Variants in BSND observed in about 807,000 individuals in gnomAD.
BSND encodes barttin CLCNK type accessory subunit beta.
Under a neutral mutation model 18.8 loss-of-function variants are expected in BSND, and 13 were observed. The ratio of observed to expected loss-of-function variants is 0.69; its 90% CI spans 0.45 to 1.10. The LOEUF (loss-of-function observed/expected upper bound fraction) is 1.10, where lower values mean the gene tolerates loss of function less well. Among genes scored for constraint, BSND ranks in the 50% least tolerant of loss-of-function variants. The pLI, the probability that BSND is intolerant of heterozygous loss-of-function variation, is 0.00. For missense variants in BSND, 379 were observed against 416.7 expected (o/e 0.91, Z 0.79); for synonymous variants, 170 against 161.8 (o/e 1.05, Z -0.39).
At position 55,008,520 on chromosome 1, in the gene BSND, G is replaced by A. The variant is rs1644403821; in HGVS notation, c.855G>A (p.Gly285=). The A allele has an allele frequency of 1.2e-6, 2 of 1,614,206 alleles. No homozygotes were observed. Among genetic ancestry groups the A allele is most frequent in the Non-Finnish European group, 1.7e-6 (2 of 1,180,032 alleles). ...VEEKEASDTG[G]EEPEKEEEDL... is the part of the protein sequence containing the mutation. ...AGAAGGAGGCTTCGGACACAGGTGG[G>A]GAGGAACCTGAGAAGGAAGAGGAAG... Residue 285 remains glycine (G), a synonymous_variant, in exon 4 of 4, where the codon GGG becomes GGA. Coordinates refer to ENST00000651561, the MANE Select transcript of BSND (RefSeq NM_057176.3).
At chr1:55,003,403 T>G (rs1252178016) in intron 1 of BSND, among the ~76,000 whole-genome samples, 1 of 152,106 alleles carries the variant, frequency 6.6e-6, no homozygotes, top group African/African-American at 2.4e-5. Context: ...TTATTTAATT[T>G]TTTTATTTTT....
chr1:55,012,947 A>C lies in BSND; in HGVS notation c.*4319A>C, dbSNP rs758661594. ...TCAGGTGCTTCCCATAAATCATTTC[A>C]TTGAATTTAATTTTTCCATCTGCCC... On this transcript the variant is annotated 3_prime_UTR_variant, in exon 4 of 4. Transcript: ENST00000651561. Among the ~76,000 whole-genome samples, 23 of 152,132 alleles carry C rather than the reference A, an allele frequency of 1.5e-4. No homozygotes were observed. Among genetic ancestry groups the C allele is most frequent in the Non-Finnish European group, 2.9e-4 (20 of 68,024 alleles).
chr1:55,009,019 T>C lies in BSND; in HGVS notation c.*391T>C. ...CTATTGTGTCTTATAGTCCACTTGG[T>C]AGATGGCGTGATCCGTCTTTACACA... On this transcript the variant is annotated 3_prime_UTR_variant, in exon 4 of 4. Transcript: ENST00000651561. 1 of 335,172 alleles carries C rather than the reference T, an allele frequency of 3.0e-6. No individual in the cohort carries two copies. Among genetic ancestry groups the C allele is most frequent in the Non-Finnish European group, 5.7e-6 (1 of 174,378 alleles). The allele number at this position is 335,172 out of a possible 1,614,324, so 20.8% of individuals were successfully genotyped here.
rs1485572545 is a variant in BSND, at chr1:55,012,618, C to T, written c.*3990C>T. 6.6e-6 allele frequency among the ~76,000 whole-genome samples: 1 copy of T among 152,200 alleles called. No individual in the cohort carries two copies. The highest frequency in any genetic ancestry group is 1.9e-4 in the East Asian group (1 of 5,196). On this transcript the variant is annotated 3_prime_UTR_variant, in exon 4 of 4. Transcript: ENST00000651561. ...TCTTCCCTCTCTGGGTCTCTTCCCT[C>T]ATCTATGCATCAGGGAGCCACTGTC... is the stretch of plus-strand genomic sequence containing the variant.
rs1423765493 is a variant in BSND at position 55,011,219 on chromosome 1, C to T, written c.*2591C>T. 6.6e-6 allele frequency: 1 copy of T among 152,264 alleles called. No homozygotes were observed. The highest frequency in any genetic ancestry group is 1.5e-5 in the Non-Finnish European group (1 of 68,102). 9.4% of individuals were successfully genotyped at this position (152,264 alleles called of 1,614,324 possible). ...GATGGTGAGACCCAGGCTTGGTCTC[C>T]CTGGCTCTTGCTGCATGATGGGGAG... On this transcript the variant is annotated 3_prime_UTR_variant, in exon 4 of 4. Coordinates refer to ENST00000651561, the MANE Select transcript of BSND (RefSeq NM_057176.3).
rs1644412245 is a variant in BSND at position 55,009,732 on chromosome 1, G to A, written c.*1104G>A. On this transcript the variant is annotated 3_prime_UTR_variant, in exon 4 of 4. Transcript: ENST00000651561. ...AATTGTAGGTGAAATTCATCTTCCT[G>A]GCCTACTTCAGTTTGAATCAGTTGG... The A allele has an allele frequency of 6.6e-6, 1 of 152,118 alleles. No homozygotes were observed. 9.4% of individuals were successfully genotyped at this position (152,118 alleles called of 1,614,324 possible).
At position 55,004,443 on chromosome 1, in the gene BSND, C is replaced by T. The variant is rs115486210; in HGVS notation, c.178-579C>T. Among the ~76,000 whole-genome samples, 1,317 of 152,338 alleles carry T rather than the reference C, an allele frequency of 8.6e-3. 18 individuals are homozygous for T. Among genetic ancestry groups the T allele is most frequent in the African/African-American group, 0.03 (1,237 of 41,582 alleles). On this transcript the variant is annotated intron_variant, in intron 1 of 3. Coordinates refer to ENST00000651561, the MANE Select transcript of BSND (RefSeq NM_057176.3). ...CTCCCAGATCCCACAGGCACAGCTC[C>T]TCTCCCTCACCCACTGCCTCCTTCA... is the stretch of plus-strand genomic sequence containing the variant.
chr1:55,002,126 A>C (rs1048747539), intron 1 of BSND, among the ~76,000 whole-genome samples: 2 of 152,234 alleles, frequency 1.3e-5, no homozygotes, highest in Non-Finnish European at 2.9e-5. Context: ...TGCAGAATTC[A>C]AACACAAAGC....
At chr1:55,007,353 T>C in intron 3 of BSND, 81 bp downstream of exon 3, 2 of 305,408 alleles carry the variant, frequency 6.5e-6, no homozygotes, top group Non-Finnish European at 1.2e-5. Context: ...CGCCGAGGGG[T>C]GGGTGGGGAC....
chr1:55,007,336 G>T (rs1375451792), intron 3 of BSND, 64 bp downstream of exon 3: 3 of 1,518,134 alleles, frequency 2.0e-6, no homozygotes, highest in East Asian at 2.3e-5. Flanking sequence ...GGAGAGGAGT[G>T]GGGGACCGCC....
intron 3 of BSND, 139 bp downstream of exon 3, chr1:55,007,411 G>T: frequency 9.1e-7 from 1 of 1,099,174 alleles, no homozygotes; most frequent in Admixed American, 2.9e-5. Flanking sequence ...ACCCTGAGAT[G>T]TGGCAGATGT....
In BSND at chr1:55,012,500, G is replaced by T. The variant is rs1046639603; in HGVS notation, c.*3872G>T. 6.6e-6 allele frequency among the ~76,000 whole-genome samples: 1 copy of T among 152,232 alleles called. No homozygotes were observed. The highest frequency in any genetic ancestry group is 2.4e-5 in the African/African-American group (1 of 41,458). ...GAGCCTCAATGTCCACATTTATGCAGTGGGGAGGATAATACCTCCCTCTTG... is the reference window on the plus strand; with the variant it reads ...GAGCCTCAATGTCCACATTTATGCATTGGGGAGGATAATACCTCCCTCTTG... On this transcript the variant is annotated 3_prime_UTR_variant, in exon 4 of 4. Transcript: ENST00000651561.
At position 55,008,575 on chromosome 1, in the gene BSND, G is replaced by T; in HGVS notation, c.910G>T (p.Gly304Trp). 1 of 1,614,108 alleles carries T rather than the reference G, an allele frequency of 6.2e-7. No homozygotes were observed. Among genetic ancestry groups the T allele is most frequent in the Non-Finnish European group, 8.5e-7 (1 of 1,180,010 alleles). ...DLYYGLPDGA[G>W]DLLPDKELGF... The stretch of plus-strand genomic sequence containing the variant: ...GTACTATGGGCTGCCAGATGGAGCC[G>T]GGGACCTCCTCCCGGACAAGGAGCT... The change falls in exon 4 of 4, where the codon GGG becomes TGG. Residue 304 changes from glycine (G) to tryptophan (W), a missense_variant. Physicochemically the swap from Gly to Trp is radical, Grantham distance 184. Coordinates refer to ENST00000651561, the MANE Select transcript of BSND (RefSeq NM_057176.3).
In BSND at chr1:55,011,235, T is replaced by C. The variant is rs1644420870; in HGVS notation, c.*2607T>C. On this transcript the variant is annotated 3_prime_UTR_variant, in exon 4 of 4. Transcript: ENST00000651561. ...CTTGGTCTCCCTGGCTCTTGCTGCA[T>C]GATGGGGAGACCACACACCTGATCT... is the stretch of plus-strand genomic sequence containing the variant. The C allele has an allele frequency of 6.6e-6, 1 of 152,264 alleles. No individual in the cohort carries two copies. The highest frequency in any genetic ancestry group is 1.5e-5 in the Non-Finnish European group (1 of 68,096). The allele number at this position is 152,264 out of a possible 1,614,324, so 9.4% of individuals were successfully genotyped here.
In BSND at chr1:55,008,235, C is replaced by G. The variant is rs368273749; in HGVS notation, c.570C>G (p.Gly190=). The part of the protein sequence containing the change: ...SWPGPLACPQ[G]PAPLASFQDD... ...GCAGCCCCCTGGCCTGTCCCCAGGG[C>G]CCTGCCCCCTTGGCTTCCTTCCAAG... Residue 190 remains glycine (G), a synonymous_variant, in exon 4 of 4, where the codon GGC becomes GGG. Transcript: ENST00000651561. 2 of 1,614,056 alleles carry G rather than the reference C, an allele frequency of 1.2e-6. No individual in the cohort carries two copies. The highest frequency in any genetic ancestry group is 1.7e-6 in the Non-Finnish European group (2 of 1,180,036).
chr1:55,013,370 C>G lies in BSND; in HGVS notation c.*4742C>G, dbSNP rs145075626. 0.013 allele frequency among the ~76,000 whole-genome samples: 1,936 copies of G among 152,194 alleles called. 18 individuals carry two copies. The highest frequency in any genetic ancestry group is 0.021 in the South Asian group (100 of 4,822). The stretch of plus-strand genomic sequence containing the variant: ...TAGAGATGAGGTTTCATCATGTTGG[C>G]CAGGCTGGTCTTGTACCCCTGACCT... On this transcript the variant is annotated 3_prime_UTR_variant, in exon 4 of 4. Transcript: ENST00000651561.
chr1:55,015,005 G>A lies in BSND; in HGVS notation c.*6377G>A, dbSNP rs770616696. Among the ~76,000 whole-genome samples the A allele has an allele frequency of 6.6e-6, 1 of 152,170 alleles. No individual in the cohort carries two copies. The highest frequency in any genetic ancestry group is 2.4e-5 in the African/African-American group (1 of 41,434). ...GTGGTGGAGGACAGGGTCAGAGAGG[G>A]AGGCCGCAGCTTGGCCATGGGGCTT... is the stretch of plus-strand genomic sequence containing the variant. On this transcript the variant is annotated 3_prime_UTR_variant, in exon 4 of 4. Coordinates refer to ENST00000651561, the MANE Select transcript of BSND (RefSeq NM_057176.3).
rs752226957 is a variant in BSND, at chr1:55,014,170, G to A, written c.*5542G>A. Among the ~76,000 whole-genome samples the A allele has an allele frequency of 2.0e-5, 3 of 152,244 alleles. No homozygotes were observed. The highest frequency in any genetic ancestry group is 2.9e-5 in the Non-Finnish European group (2 of 68,048). ...CTTCTATCCCCAGGACTTAGCAAAA[G>A]CAAGGAACAGTAGTGCTGGTGGAAC... On this transcript the variant is annotated 3_prime_UTR_variant, in exon 4 of 4. Coordinates refer to ENST00000651561, the MANE Select transcript of BSND (RefSeq NM_057176.3).
chr1:55,005,051 T>A lies in BSND; in HGVS notation c.207T>A (p.Phe69Leu), dbSNP rs750220684. The part of the protein sequence containing the change: ...KITFVPADSD[F>L]QGILSPKAMG... ...CCTTCGTCCCTGCTGACTCTGACTT[T>A]CAAGGCATCCTCTCCCCAAAGGCCA... is the stretch of plus-strand genomic sequence containing the variant. Residue 69 changes from phenylalanine to leucine, a missense_variant, in exon 2 of 4, where the codon TTT becomes TTA. By Grantham distance (22) the Phe-to-Leu change is conservative (BLOSUM62 0). Transcript: ENST00000651561. 15 of 1,614,204 alleles carry A rather than the reference T, an allele frequency of 9.3e-6. No individual in the cohort carries two copies. In the African/African-American group the frequency reaches 1.9e-4, roughly 20 times the overall value.
Sources: allele counts gnomAD v4.1 joint callset (sites outside exome capture counted in the v4.1 genomes callset), GRCh38; gene constraint gnomAD v4.1.1; transcripts MANE v1.5; gene names NCBI Gene and HGNC (gene_info 2026-07-23, HGNC 2026-07-21).